The following GLT1D1 variants were observed in gnomAD, a reference collection of about 807,000 sequenced individuals.
GLT1D1 encodes glycosyltransferase 1 domain containing 1.
GLT1D1 carries 21 observed loss-of-function variants against 28.7 expected under a neutral mutation model. The observed-to-expected ratio is 0.73, with a 90% CI of 0.52 to 1.05. The LOEUF is 1.05. Ranked by LOEUF, GLT1D1 falls within the 50% of genes least tolerant of loss-of-function variation. The pLI is 0.00. For synonymous variants in GLT1D1, 147 were observed against 124.8 expected (o/e 1.18, Z -1.19); for missense variants, 343 against 330.6 (o/e 1.04, Z -0.29).
At position 128,957,609 on chromosome 12, in the gene GLT1D1, A is replaced by G. The variant is rs1446314321; in HGVS notation, c.605A>G (p.His202Arg). The G allele has an allele frequency of 2.5e-6, 4 of 1,613,650 alleles. No homozygotes were observed. The highest frequency in any genetic ancestry group is 3.4e-6 in the Non-Finnish European group (4 of 1,179,680). The change falls in exon 7 of 8, where the codon CAT (histidine) becomes CGT (arginine). Residue 202 changes from histidine (H) to arginine (R), a missense_variant. Physicochemically the swap from His to Arg is conservative, Grantham distance 29. Transcript: ENST00000281703. ...CCCGGGAATGCTGCCGTGGTGAAGC[A>G]TGAAGTCACAGGGCTACTGTTTTCC...
At chr12:128,955,567 T>A (rs1027666647) in intron 6 of GLT1D1, among the ~76,000 whole-genome samples, 8 of 152,022 alleles carry the variant, frequency 5.3e-5, no homozygotes, top group African/African-American at 1.9e-4. Context: ...TGCATTGCAT[T>A]TGGCTTTGTG....
intron 4 of GLT1D1, among the ~76,000 whole-genome samples, chr12:128,931,787 C>T (rs1873919815): frequency 6.6e-6 from 1 of 152,158 alleles, no homozygotes; most frequent in South Asian, 2.1e-4. Flanking sequence ...CCAGAGGCCT[C>T]CTCTTTTTAT....
At chr12:128,980,930 C>T (rs932761289) in intron 7 of GLT1D1, among the ~76,000 whole-genome samples, 16 of 152,184 alleles carry the variant, frequency 1.1e-4, no homozygotes, top group African/African-American at 3.6e-4. Context: ...CTTTGCAAAC[C>T]ATCTTCGCTG....
At chr12:128,891,401 C>T (rs926376225) in intron 3 of GLT1D1, among the ~76,000 whole-genome samples, 10 of 152,136 alleles carry the variant, frequency 6.6e-5, no homozygotes, top group African/African-American at 2.4e-4. Context: ...CTAGAATAAC[C>T]CTGAAACCAC....
In GLT1D1 at chr12:128,971,286, C is replaced by A. The variant is rs915912298; in HGVS notation, c.640-11643C>A. 6.5e-5 allele frequency among the ~76,000 whole-genome samples: 6 copies of A among 92,914 alleles called. No individual in the cohort carries two copies. In the Admixed American group the frequency reaches 1.0e-3, roughly 15 times the overall value. The allele number at this position is 92,914 out of a possible 152,430, so 61.0% of individuals were successfully genotyped here. On this transcript the variant is annotated intron_variant, in intron 7 of 7. Coordinates refer to ENST00000281703, the MANE Select transcript of GLT1D1 (RefSeq NM_144669.3). ...GCTTAGAAATTGTCTTTCTTTTGCC[C>A]TCCCTTCCTCCCTCCCTCCTTCCTT...
At chr12:128,948,684 T>C (rs1034782542) in intron 6 of GLT1D1, among the ~76,000 whole-genome samples, 5 of 151,784 alleles carry the variant, frequency 3.3e-5, no homozygotes, top group South Asian at 2.1e-4. Context: ...GATATCCATG[T>C]ATCCCCTTGG....
At chr12:128,889,550 G>A (rs771096846) in intron 3 of GLT1D1, among the ~76,000 whole-genome samples, 6 of 152,122 alleles carry the variant, frequency 3.9e-5, no homozygotes, top group Non-Finnish European at 7.4e-5. Flanking sequence ...TAATTCTAAT[G>A]CCCCCAGGGT....
intron 6 of GLT1D1, among the ~76,000 whole-genome samples, chr12:128,957,235 G>C (rs35499040): frequency 0.12 from 18,674 of 152,206 alleles, 1,344 homozygotes; most frequent in South Asian, 0.18. Context: ...CCATGCGGTC[G>C]GTCGGTGAAG....
intron 7 of GLT1D1, among the ~76,000 whole-genome samples, chr12:128,973,075 G>A (rs1265695860): frequency 6.6e-6 from 1 of 151,376 alleles, no homozygotes; most frequent in Non-Finnish European, 1.5e-5. Flanking sequence ...GCCAGCCCCT[G>A]GTAACCAACC....
chr12:128,870,171 G>A (rs373337477), intron 1 of GLT1D1, among the ~76,000 whole-genome samples: 24 of 151,884 alleles, frequency 1.6e-4, no homozygotes, highest in Non-Finnish European at 2.6e-4. Flanking sequence ...TCAGCCTGTT[G>A]GGATTACGGT....
intron 7 of GLT1D1, among the ~76,000 whole-genome samples, chr12:128,974,628 G>C (rs1214277995): frequency 1.3e-5 from 2 of 152,226 alleles, no homozygotes; most frequent in Non-Finnish European, 2.9e-5. Flanking sequence ...CTGATGTGAA[G>C]TCACCTAGGG....
At chr12:128,888,772 C>A (rs774348834) in intron 3 of GLT1D1, 28 bp downstream of exon 3, 5 of 1,365,538 alleles carry the variant, frequency 3.7e-6, no homozygotes, top group South Asian at 3.6e-5. Context: ...TTCATCCATG[C>A]CAAACATTTA....
rs888658063 is a variant in GLT1D1, at chr12:128,976,311, C to T, written c.640-6618C>T. 7.9e-5 allele frequency among the ~76,000 whole-genome samples: 12 copies of T among 152,328 alleles called. No individual in the cohort carries two copies. In the South Asian group the frequency reaches 8.3e-4, roughly 11 times the overall value. On this transcript the variant is annotated intron_variant, in intron 7 of 7. Transcript: ENST00000281703. The stretch of plus-strand genomic sequence containing the variant: ...AACGCTCATTCCTGAACCCCACCCT[C>T]CACCCACCCAATCAGTATCTCGGGG...
At chr12:128,891,023 C>G (rs1181681410) in intron 3 of GLT1D1, among the ~76,000 whole-genome samples, 1 of 149,700 alleles carries the variant, frequency 6.7e-6, no homozygotes, top group Non-Finnish European at 1.5e-5. Context: ...GCAACAACAA[C>G]AAAAGAACCC....
chr12:128,863,945 CAAAAA>C (rs35052910), intron 1 of GLT1D1, among the ~76,000 whole-genome samples: 2 of 56,158 alleles, frequency 3.6e-5, no homozygotes, highest in Admixed American at 1.9e-4. Flanking sequence ...GACTCCATCT[CAAAAA>C]AAAAAAAAAA....
chr12:128,971,302 C>T (rs73153478), intron 7 of GLT1D1, among the ~76,000 whole-genome samples: 28 of 140,472 alleles, frequency 2.0e-4, no homozygotes, highest in Non-Finnish European at 3.5e-4. Context: ...TCCTCCCTCC[C>T]TCCTTCCTTC....
intron 4 of GLT1D1, among the ~76,000 whole-genome samples, chr12:128,939,848 C>CGCCG (rs1308403581): frequency 8.3e-6 from 1 of 120,724 alleles, no homozygotes; most frequent in Non-Finnish European, 1.9e-5. Flanking sequence ...CCCCCCCCCA[C>CGCCG]CGCCGATCCA....
intron 6 of GLT1D1, among the ~76,000 whole-genome samples, chr12:128,954,288 AT>A (rs34911662): frequency 0.012 from 1,624 of 138,986 alleles, 21 homozygotes; most frequent in Non-Finnish European, 0.015. Context: ...CACCCGGCTA[AT>A]TTTTTTTTTT....
chr12:128,927,697 C>T (rs556671688), intron 4 of GLT1D1, among the ~76,000 whole-genome samples: 20 of 151,920 alleles, frequency 1.3e-4, no homozygotes, highest in Non-Finnish European at 2.4e-4. Context: ...ATAACTTCTA[C>T]GGAAATACAG....
Sources: gnomAD v4.1 joint callset for allele counts (sites outside exome capture counted in the v4.1 genomes callset) on GRCh38, gnomAD v4.1.1 for gene constraint, MANE v1.5 for transcripts, NCBI Gene and HGNC (gene_info 2026-07-23, HGNC 2026-07-21) for gene names.